The following PDE8B variants were observed in gnomAD, a reference collection of about 807,000 sequenced individuals.
PDE8B encodes the protein phosphodiesterase 8B.
PDE8B carries 26 observed loss-of-function variants against 101.3 expected under a neutral mutation model. That is an observed-to-expected ratio of 0.26 (90% confidence interval 0.19 to 0.36). PDE8B has a LOEUF of 0.36. Ranked by LOEUF, PDE8B falls within the 10% of genes least tolerant of loss-of-function variation. The probability of loss-of-function intolerance (pLI) is 1.00; values close to 1 mark genes in which losing one functional copy is unlikely to be tolerated. For synonymous variants in PDE8B, 424 were observed against 429.3 expected, an observed-to-expected ratio of 0.99 and a Z score of 0.15; for missense variants, 810 against 1,163.1, an observed-to-expected ratio of 0.70 and a Z score of 4.42.
At chr5:77,226,189 A>C (rs1385456018) in intron 1 of PDE8B, among the ~76,000 whole-genome samples, 1 of 151,844 alleles carries the variant, frequency 6.6e-6, no homozygotes, top group Non-Finnish European at 1.5e-5. Flanking sequence ...ATATGCATCA[A>C]CGTAAAATAT....
intron 5 of PDE8B, among the ~76,000 whole-genome samples, chr5:77,331,760 A>G (rs142910571): frequency 6.6e-6 from 1 of 152,346 alleles, no homozygotes; most frequent in East Asian, 1.9e-4. Context: ...AAGTAATCTT[A>G]TTTAAATCAG....
intron 6 of PDE8B, among the ~76,000 whole-genome samples, chr5:77,337,754 CTGTT>C (rs1202486230): frequency 5.9e-5 from 9 of 152,308 alleles, no homozygotes; most frequent in African/African-American, 2.2e-4. Context: ...TTTATTAAGT[CTGTT>C]TGTGGCCTCA....
At chr5:77,317,745 C>T (rs930347195) in intron 2 of PDE8B, among the ~76,000 whole-genome samples, 4 of 152,118 alleles carry the variant, frequency 2.6e-5, no homozygotes, top group Admixed American at 6.5e-5. Flanking sequence ...TGTGTTTCTG[C>T]TTAGAGAGTC....
At chr5:77,388,135 A>G (rs1359164043) in intron 10 of PDE8B, among the ~76,000 whole-genome samples, 3 of 152,038 alleles carry the variant, frequency 2.0e-5, no homozygotes, top group Non-Finnish European at 4.4e-5. Context: ...AGGAGTTGTG[A>G]TCCTTTGGAG....
chr5:77,396,507 C>T lies in PDE8B; in HGVS notation c.1168-3741C>T, dbSNP rs929157495. Among the ~76,000 whole-genome samples the T allele has an allele frequency of 2.0e-5, 3 of 152,172 alleles. No individual in the cohort carries two copies. In the South Asian group the frequency reaches 6.2e-4, roughly 31 times the overall value. ...AGGAGTTGGATTTTTCTCTAAATTC[C>T]ACTGGTAACTCTTACCTTTTAGTAA... is the stretch of plus-strand genomic sequence containing the variant. On this transcript the variant is annotated intron_variant, in intron 10 of 21. Coordinates refer to ENST00000264917, the MANE Select transcript of PDE8B (RefSeq NM_003719.5).
chr5:77,400,776 A>T (rs1561654966), intron 11 of PDE8B, among the ~76,000 whole-genome samples: 1 of 152,170 alleles, frequency 6.6e-6, no homozygotes, highest in East Asian at 1.9e-4. Flanking sequence ...ATGTTGGGCA[A>T]GACTCTGCTT....
At chr5:77,146,546 C>G in the PDE8B span, 2 of 190,924 alleles carry the variant, frequency 1.0e-5, no homozygotes, top group African/African-American at 4.8e-5. Context: ...CTCTGTGCCT[C>G]ACTGAGGAAA....
chr5:77,381,193 A>G (rs996860180), intron 10 of PDE8B, among the ~76,000 whole-genome samples: 2 of 152,188 alleles, frequency 1.3e-5, no homozygotes, highest in Non-Finnish European at 2.9e-5. Context: ...GGAGAATGAC[A>G]GGATTAAATA....
chr5:77,354,962 G>T (rs79343230), intron 10 of PDE8B, among the ~76,000 whole-genome samples: 2 of 152,194 alleles, frequency 1.3e-5, no homozygotes, highest in South Asian at 2.1e-4. Context: ...AGCTATTTGC[G>T]TGCTAAACTG....
the PDE8B span, among the ~76,000 whole-genome samples, chr5:77,101,490 C>A: frequency 6.6e-6 from 1 of 152,252 alleles, no homozygotes; most frequent in South Asian, 2.1e-4. Flanking sequence ...CCTCTCTGCC[C>A]AACCAAACCT....
chr5:77,211,026 A>G lies in PDE8B; in HGVS notation c.101A>G (p.Gln34Arg). ...CCCCGCCAGACCACCAGCGTGTCGCAGGGCCCGGCGGCACCCCTGCCCGGC... is the reference window on the plus strand; with the variant it reads ...CCCCGCCAGACCACCAGCGTGTCGCGGGGCCCGGCGGCACCCCTGCCCGGC... ...SSPRQTTSVS[Q>R]GPAAPLPGLF... The change falls in exon 1 of 22, where the codon CAG becomes CGG. Residue 34 changes from glutamine to arginine, a missense_variant. By Grantham distance (43) the Gln-to-Arg change is conservative. Transcript: ENST00000264917. The surrounding 1 kb of genome is among the most constrained non-coding windows in gnomAD (Gnocchi z 4.1). The G allele has an allele frequency of 1.3e-6, 2 of 1,544,578 alleles. No individual in the cohort carries two copies. The highest frequency in any genetic ancestry group is 2.6e-5 in the East Asian group (1 of 39,144).
the PDE8B span, among the ~76,000 whole-genome samples, chr5:77,192,960 C>T: frequency 6.6e-6 from 1 of 152,044 alleles, no homozygotes; most frequent in African/African-American, 2.4e-5. Flanking sequence ...TATATGATTA[C>T]TGACCATTTT....
At chr5:77,163,188 T>A in the PDE8B span, among the ~76,000 whole-genome samples, 1 of 152,138 alleles carries the variant, frequency 6.6e-6, no homozygotes, top group Non-Finnish European at 1.5e-5. Flanking sequence ...AGAAATAAAA[T>A]TATGAAAACC....
intron 4 of PDE8B, among the ~76,000 whole-genome samples, chr5:77,329,365 G>T (rs930149596): frequency 6.6e-6 from 1 of 152,190 alleles, no homozygotes; most frequent in Admixed American, 6.5e-5. Context: ...AGAAAACATT[G>T]TTCCAGTTTA....
chr5:77,091,459 G>C, the PDE8B span, among the ~76,000 whole-genome samples: 155 of 152,266 alleles, frequency 1.0e-3, 2 homozygotes, highest in African/African-American at 3.5e-3. Context: ...GACCAACATG[G>C]TGAAACCCCA....
chr5:77,388,324 G>T (rs980163315), intron 10 of PDE8B, among the ~76,000 whole-genome samples: 4 of 152,086 alleles, frequency 2.6e-5, no homozygotes, highest in Non-Finnish European at 5.9e-5. Context: ...CTTCTAACAG[G>T]CCCCTCTGCT....
the PDE8B span, among the ~76,000 whole-genome samples, chr5:77,161,922 T>A: frequency 1.4e-3 from 210 of 152,164 alleles, 3 homozygotes; most frequent in South Asian, 0.042. Context: ...GATCTTCTTT[T>A]GTTAGGTATC....
At chr5:77,328,192 C>T (rs1354996370) in intron 3 of PDE8B, among the ~76,000 whole-genome samples, 1 of 152,190 alleles carries the variant, frequency 6.6e-6, no homozygotes, top group African/African-American at 2.4e-5. Flanking sequence ...CACCTAGATT[C>T]AAGTGTGTGG....
intron 1 of PDE8B, among the ~76,000 whole-genome samples, chr5:77,305,016 G>C (rs1478894533): frequency 6.6e-6 from 1 of 152,120 alleles, no homozygotes; most frequent in African/African-American, 2.4e-5. Flanking sequence ...GGTGTTTGTT[G>C]AGTAAATGGA....
Sources: allele counts gnomAD v4.1 joint callset (sites outside exome capture counted in the v4.1 genomes callset), GRCh38; gene constraint gnomAD v4.1.1; non-coding constraint Gnocchi (gnomAD v3.1); transcripts MANE v1.5; gene names NCBI Gene and HGNC (gene_info 2026-07-23, HGNC 2026-07-21).